The following DNAJB4 variants were observed in gnomAD, a reference collection of about 807,000 sequenced individuals.
DNAJB4 encodes the protein dnaJ homolog subfamily B member 4.
DNAJB4 carries 10 observed loss-of-function variants against 26.6 expected under a neutral mutation model. The ratio of observed to expected loss-of-function variants is 0.38; its 90% CI spans 0.23 to 0.64. DNAJB4 has a LOEUF of 0.64. Among genes scored for constraint, DNAJB4 ranks in the 30% least tolerant of loss-of-function variants. DNAJB4 has a pLI of 0.58. For missense variants in DNAJB4, 328 were observed against 408.2 expected (o/e 0.80, Z 1.69); for synonymous variants, 136 against 134.8 (o/e 1.01, Z -0.06).
chr1:77,998,786 T>G (rs1205641445), intron 1 of DNAJB4, among the ~76,000 whole-genome samples: 1 of 151,978 alleles, frequency 6.6e-6, no homozygotes, highest in Non-Finnish European at 1.5e-5. Context: ...TGCAGTGAGC[T>G]GAGATTGTGA....
chr1:77,993,015 C>T (rs1332109917), intron 1 of DNAJB4: 11 of 152,116 alleles, frequency 7.2e-5, no homozygotes, highest in Non-Finnish European at 1.5e-4. Context: ...TGAGCCACCG[C>T]GCCCGGCCTA....
chr1:78,005,712 TAA>T (rs1259513886), intron 1 of DNAJB4, among the ~76,000 whole-genome samples: 1 of 152,240 alleles, frequency 6.6e-6, no homozygotes, highest in East Asian at 1.9e-4. Context: ...CCAGAACCAA[TAA>T]AGAGTCTTTA....
At chr1:77,988,786 T>G (rs1476756175) in intron 1 of DNAJB4, among the ~76,000 whole-genome samples, 3 of 152,218 alleles carry the variant, frequency 2.0e-5, no homozygotes, top group African/African-American at 7.2e-5. Context: ...TTACAGTATT[T>G]AAAAATTTTT....
Position 78,016,255 on chromosome 1 carries a change from A to G in DNAJB4, c.*8A>G. ...CATCTTCCTGCCTCATAGAATGAAG[A>G]ACTTTGTTACACATATTTTGATAAG... On this transcript the variant is annotated 3_prime_UTR_variant, in exon 3 of 3. Coordinates refer to ENST00000370763, the MANE Select transcript of DNAJB4 (RefSeq NM_007034.5). 6.2e-7 allele frequency: 1 copy of G among 1,608,160 alleles called. No individual in the cohort carries two copies. The highest frequency in any genetic ancestry group is 8.5e-7 in the Non-Finnish European group (1 of 1,175,532).
At chr1:77,991,835 G>A (rs905825597) in intron 1 of DNAJB4, among the ~76,000 whole-genome samples, 1 of 152,162 alleles carries the variant, frequency 6.6e-6, no homozygotes, top group Non-Finnish European at 1.5e-5. Context: ...AAATTCAGGT[G>A]TTAGGTAAGC....
At chr1:78,009,653 G>A (rs1660417802) in intron 1 of DNAJB4, among the ~76,000 whole-genome samples, 1 of 152,184 alleles carries the variant, frequency 6.6e-6, no homozygotes, top group Admixed American at 6.5e-5. Flanking sequence ...GCTAGACAAT[G>A]CAAGTGATAC....
chr1:77,993,620 A>G (rs879447814), intron 1 of DNAJB4, among the ~76,000 whole-genome samples: 5 of 152,102 alleles, frequency 3.3e-5, no homozygotes, highest in Non-Finnish European at 7.4e-5. Context: ...TGACTTATTT[A>G]TAGTATAAAC....
upstream of DNAJB4, among the ~76,000 whole-genome samples, chr1:78,000,386 CTGTT>C (rs1449753592): frequency 6.6e-6 from 1 of 152,136 alleles, no homozygotes; most frequent in Non-Finnish European, 1.5e-5. Context: ...AGAGTTAACT[CTGTT>C]TGACAGATGA....
chr1:78,012,946 C>G, intron 1 of DNAJB4, 105 bp from the exon 2 acceptor site: 1 of 939,012 alleles, frequency 1.1e-6, no homozygotes, highest in Non-Finnish European at 1.6e-6. Flanking sequence ...AATATTAATA[C>G]ATTTTAATGT....
chr1:77,983,273 A>G (rs969821611), intron 1 of DNAJB4, among the ~76,000 whole-genome samples: 2 of 152,176 alleles, frequency 1.3e-5, no homozygotes, highest in Non-Finnish European at 2.9e-5. Flanking sequence ...GTTTTTCCCT[A>G]TCTCAGTAGA....
intron 1 of DNAJB4, among the ~76,000 whole-genome samples, chr1:78,012,634 A>C (rs1469891765): frequency 6.6e-6 from 1 of 151,336 alleles, no homozygotes; most frequent in Non-Finnish European, 1.5e-5. Context: ...ACATGAAGAA[A>C]CCTCGTCTCT....
In DNAJB4 at chr1:78,016,377, A is replaced by G. The variant is rs1296268795; in HGVS notation, c.*130A>G. On this transcript the variant is annotated 3_prime_UTR_variant, in exon 3 of 3. Coordinates refer to ENST00000370763, the MANE Select transcript of DNAJB4 (RefSeq NM_007034.5). The stretch of plus-strand genomic sequence containing the variant: ...TTTTGAGGGTTCATTAAATTGCATG[A>G]ATAGAGACGGGTCAAATAAATAGGC... 1 of 740,010 alleles carries G rather than the reference A, an allele frequency of 1.4e-6. No homozygotes were observed. The highest frequency in any genetic ancestry group is 2.1e-6 in the Non-Finnish European group (1 of 468,420). 45.8% of individuals were successfully genotyped at this position (740,010 alleles called of 1,614,324 possible).
At chr1:78,002,079 T>C (rs1398610658), upstream of DNAJB4, among the ~76,000 whole-genome samples, 2 of 152,230 alleles carry the variant, frequency 1.3e-5, no homozygotes, top group African/African-American at 2.4e-5. Context: ...TTATGTGATA[T>C]CTAAATATTC....
intron 1 of DNAJB4, among the ~76,000 whole-genome samples, chr1:77,985,180 C>G (rs962993055): frequency 6.6e-6 from 1 of 152,126 alleles, no homozygotes; most frequent in African/African-American, 2.4e-5. Context: ...ATTGAAAGAT[C>G]AAGGATCTTT....
chr1:78,006,549 A>G (rs747775020), intron 1 of DNAJB4, among the ~76,000 whole-genome samples: 26 of 152,244 alleles, frequency 1.7e-4, no homozygotes, highest in Non-Finnish European at 3.1e-4. Flanking sequence ...AATGTAGACA[A>G]GCAGGGTGAT....
In DNAJB4 at chr1:78,005,341, C is replaced by CT. The variant is rs752676593; in HGVS notation, c.211+23dup. The CT allele has an allele frequency of 6.4e-7, 1 of 1,569,456 alleles. No individual in the cohort carries two copies. Among genetic ancestry groups the CT allele is most frequent in the Non-Finnish European group, 8.6e-7 (1 of 1,158,518 alleles). ...AGGAAGGTAAGTATTCTCTGTATAT[C>CT]TTTCTGTCTCTTCAGCTCTGTCTCT... On this transcript the variant is annotated intron_variant, in intron 1 of 2. Coordinates refer to ENST00000370763, the MANE Select transcript of DNAJB4 (RefSeq NM_007034.5).
intron 1 of DNAJB4, among the ~76,000 whole-genome samples, chr1:77,985,509 G>C (rs1002957639): frequency 2.0e-5 from 3 of 152,004 alleles, no homozygotes; most frequent in African/African-American, 4.8e-5. Context: ...TTTATGCCAG[G>C]TTATCTAATT....
intron 1 of DNAJB4, among the ~76,000 whole-genome samples, chr1:77,985,805 TCAA>T (rs1335611847): frequency 6.6e-6 from 1 of 152,064 alleles, no homozygotes; most frequent in Admixed American, 6.6e-5. Flanking sequence ...TTTATTCAAT[TCAA>T]CAAAAATTCT....
At chr1:77,982,519 C>G (rs1220044492) in intron 1 of DNAJB4, among the ~76,000 whole-genome samples, 2 of 100,356 alleles carry the variant, frequency 2.0e-5, no homozygotes, top group African/African-American at 7.5e-5. Flanking sequence ...CTACAGGGAG[C>G]TTTTAAAAAA....
Sources: allele counts gnomAD v4.1 joint callset (sites outside exome capture counted in the v4.1 genomes callset), GRCh38; gene constraint gnomAD v4.1.1; transcripts MANE v1.5; gene names NCBI Gene and HGNC (gene_info 2026-07-23, HGNC 2026-07-21).